Variants in TMEM117 observed in about 807,000 individuals in gnomAD.
TMEM117 encodes the protein transmembrane protein 117.
Under a neutral mutation model 52.4 loss-of-function variants are expected in TMEM117, and 27 were observed. That is an observed-to-expected ratio of 0.51 (90% CI 0.38 to 0.71). The LOEUF is 0.71. Among genes scored for constraint, TMEM117 ranks in the 30% least tolerant of loss-of-function variants. The probability of loss-of-function intolerance (pLI) is 0.00; values close to 1 mark genes in which losing one functional copy is unlikely to be tolerated. For synonymous variants in TMEM117, 215 were observed against 206.3 expected, an observed-to-expected ratio of 1.04 and a Z score of -0.36; for missense variants, 556 against 630.5, an observed-to-expected ratio of 0.88 and a Z score of 1.26.
intron 7 of TMEM117, among the ~76,000 whole-genome samples, chr12:44,382,715 C>G (rs188020091): frequency 6.6e-6 from 1 of 152,256 alleles, no homozygotes; most frequent in East Asian, 1.9e-4. Context: ...TAGGAAGTAA[C>G]AATGACAAGA....
chr12:44,057,513 G>T (rs1345220310), intron 3 of TMEM117, among the ~76,000 whole-genome samples: 2 of 151,892 alleles, frequency 1.3e-5, no homozygotes, highest in African/African-American at 4.8e-5. Context: ...CTCTGAGTTA[G>T]CATATAGTGG....
rs146599253 is a variant in TMEM117, at chr12:44,173,125, G to C, written c.510+29501G>C. On this transcript the variant is annotated intron_variant, in intron 4 of 7. Coordinates refer to ENST00000266534, the MANE Select transcript of TMEM117 (RefSeq NM_032256.3). The stretch of plus-strand genomic sequence containing the variant: ...AGGTCTTACTCTGTCACCCAGGTTG[G>C]AGTGCAGTGGTGAAATCTTGATTCA... Among the ~76,000 whole-genome samples the C allele has an allele frequency of 2.6e-3, 390 of 152,262 alleles. 3 individuals are homozygous for C. Among genetic ancestry groups the C allele is most frequent in the African/African-American group, 8.9e-3 (370 of 41,542 alleles).
intron 2 of TMEM117, among the ~76,000 whole-genome samples, chr12:43,891,979 TA>T (rs1944114500): frequency 6.6e-6 from 1 of 152,174 alleles, no homozygotes; most frequent in African/African-American, 2.4e-5. Flanking sequence ...ACCATTGCAA[TA>T]GCCTTTTTCC....
downstream of TMEM117, among the ~76,000 whole-genome samples, chr12:44,392,044 G>A (rs1952164131): frequency 6.6e-6 from 1 of 152,090 alleles, no homozygotes; most frequent in African/African-American, 2.4e-5. Flanking sequence ...TCCCCATTTA[G>A]ACGTTTAAAC....
intron 3 of TMEM117, among the ~76,000 whole-genome samples, chr12:44,135,452 T>A (rs965642677): frequency 6.6e-6 from 1 of 152,192 alleles, no homozygotes; most frequent in Admixed American, 6.5e-5. Flanking sequence ...CCAATATAAA[T>A]TTACATGCTG....
intron 2 of TMEM117, among the ~76,000 whole-genome samples, chr12:43,860,082 G>T (rs1248883470): frequency 6.6e-6 from 1 of 152,124 alleles, no homozygotes; most frequent in East Asian, 1.9e-4. Context: ...GTGCAGTTTT[G>T]TTACATAGGT....
rs141751243 is a variant in TMEM117 at position 43,896,910 on chromosome 12, C to T, written c.278-47300C>T. ...TTAATATATTTTTGTGTCAGGCAAC[C>T]GTATTGGTCTGTGTGCAAGAAGAGG... is the stretch of plus-strand genomic sequence containing the variant. On this transcript the variant is annotated intron_variant, in intron 2 of 7. Coordinates refer to ENST00000266534, the MANE Select transcript of TMEM117 (RefSeq NM_032256.3). 3.5e-3 allele frequency among the ~76,000 whole-genome samples: 529 copies of T among 152,176 alleles called. 4 individuals carry two copies. Among genetic ancestry groups the T allele is most frequent in the Middle Eastern group, 3.4e-3 (1 of 294 alleles).
intron 2 of TMEM117, among the ~76,000 whole-genome samples, chr12:43,884,124 A>G (rs563566367): frequency 1.3e-5 from 2 of 149,416 alleles, no homozygotes; most frequent in Non-Finnish European, 3.0e-5. Flanking sequence ...CAACAGAGTG[A>G]TACCATCTCA....
chr12:43,993,137 C>T (rs1304307960), intron 3 of TMEM117, among the ~76,000 whole-genome samples: 1 of 152,172 alleles, frequency 6.6e-6, no homozygotes, highest in Non-Finnish European at 1.5e-5. Context: ...CTTGGTCTTT[C>T]TGGAATAAAG....
chr12:44,242,761 T>G (rs1440566340), intron 5 of TMEM117, among the ~76,000 whole-genome samples: 1 of 149,488 alleles, frequency 6.7e-6, no homozygotes, highest in African/African-American at 2.4e-5. Context: ...ATATATTATA[T>G]TCTATATTCT....
At chr12:44,261,941 T>C (rs758061260) in intron 5 of TMEM117, among the ~76,000 whole-genome samples, 9 of 152,226 alleles carry the variant, frequency 5.9e-5, no homozygotes, top group Non-Finnish European at 1.0e-4. Flanking sequence ...TACAAGTTAA[T>C]GACTTTTGTT....
intron 2 of TMEM117, among the ~76,000 whole-genome samples, chr12:43,872,321 C>A (rs1014789320): frequency 4.0e-5 from 6 of 151,884 alleles, no homozygotes; most frequent in Non-Finnish European, 5.9e-5. Context: ...TTGGCACAGA[C>A]CATCATTATG....
At chr12:44,179,456 C>A (rs1949160460) in intron 4 of TMEM117, among the ~76,000 whole-genome samples, 1 of 152,184 alleles carries the variant, frequency 6.6e-6, no homozygotes, top group Admixed American at 6.5e-5. Context: ...TCCTACAGTT[C>A]AAAAGGCCAA....
chr12:43,946,147 A>G (rs905064799), intron 3 of TMEM117, among the ~76,000 whole-genome samples: 1 of 152,160 alleles, frequency 6.6e-6, no homozygotes, highest in African/African-American at 2.4e-5. Context: ...GCTAGTCAGA[A>G]TATGTCTCAG....
At chr12:44,056,742 G>A (rs1947060771) in intron 3 of TMEM117, among the ~76,000 whole-genome samples, 1 of 152,156 alleles carries the variant, frequency 6.6e-6, no homozygotes, top group Non-Finnish European at 1.5e-5. Context: ...CTGTGATAGT[G>A]TGTGTATCTC....
intron 6 of TMEM117, among the ~76,000 whole-genome samples, chr12:44,326,494 T>G (rs943112151): frequency 2.6e-5 from 4 of 152,182 alleles, no homozygotes; most frequent in African/African-American, 9.7e-5. Context: ...GTGTTTAGCT[T>G]GAAGCATAGA....
At chr12:44,276,573 A>G (rs1200236693) in intron 5 of TMEM117, among the ~76,000 whole-genome samples, 4 of 152,070 alleles carry the variant, frequency 2.6e-5, no homozygotes, top group African/African-American at 9.7e-5. Context: ...ACTGTATACC[A>G]TGGTACCTAT....
At chr12:43,813,522 T>C in the TMEM117 span, among the ~76,000 whole-genome samples, 13,554 of 152,014 alleles carry the variant, frequency 0.089, 959 homozygotes, top group African/African-American at 0.19. Context: ...CCACCACACC[T>C]GGCCCTGAAC....
chr12:44,072,465 T>C (rs1052362402), intron 3 of TMEM117, among the ~76,000 whole-genome samples: 2 of 152,164 alleles, frequency 1.3e-5, no homozygotes, highest in African/African-American at 2.4e-5. Context: ...CCCTGGGTTC[T>C]GAGTTACTTT....
Sources: gnomAD v4.1 joint callset for allele counts (sites outside exome capture counted in the v4.1 genomes callset) on GRCh38, gnomAD v4.1.1 for gene constraint, MANE v1.5 for transcripts, NCBI Gene and HGNC (gene_info 2026-07-23, HGNC 2026-07-21) for gene names.